ZFHX4: variants seen among roughly 807,000 people sequenced by gnomAD.
ZFHX4 encodes the protein zinc finger homeobox protein 4.
ZFHX4 carries 56 observed loss-of-function variants against 267.6 expected under a neutral mutation model. The observed-to-expected ratio is 0.21, with a 90% CI of 0.17 to 0.26. The LOEUF (loss-of-function observed/expected upper bound fraction) is 0.26. Ranked by LOEUF, ZFHX4 falls within the 10% of genes least tolerant of loss-of-function variation. ZFHX4 has a pLI of 1.00. For missense variants in ZFHX4, 4,332 were observed against 4,420.0 expected (o/e 0.98, Z 0.56); for synonymous variants, 1,778 against 1,665.6 (o/e 1.07, Z -1.64).
chr8:76,812,213 T>A (rs1368431773), intron 4 of ZFHX4, among the ~76,000 whole-genome samples: 1 of 152,224 alleles, frequency 6.6e-6, no homozygotes, highest in Non-Finnish European at 1.5e-5. Flanking sequence ...TTGATTTACT[T>A]CATGAGTTAA....
intron 3 of ZFHX4, among the ~76,000 whole-genome samples, chr8:76,735,198 C>T (rs1809127340): frequency 6.6e-6 from 1 of 152,042 alleles, no homozygotes; most frequent in Admixed American, 6.6e-5. Context: ...TGTACATAAG[C>T]ACATTGATAT....
chr8:76,727,681 A>C (rs1048674327), intron 3 of ZFHX4, among the ~76,000 whole-genome samples: 25 of 152,316 alleles, frequency 1.6e-4, no homozygotes, highest in African/African-American at 5.5e-4. Context: ...TTTTTTAAAA[A>C]TCTTGCTTCT....
intron 3 of ZFHX4, among the ~76,000 whole-genome samples, chr8:76,724,227 G>A (rs946105009): frequency 4.6e-5 from 7 of 152,150 alleles, no homozygotes; most frequent in African/African-American, 1.7e-4. Flanking sequence ...AGAAAACTTT[G>A]AAGGTTGCTT....
intron 5 of ZFHX4, among the ~76,000 whole-genome samples, chr8:76,839,412 A>C (rs577693253): frequency 6.6e-6 from 1 of 152,258 alleles, no homozygotes; most frequent in East Asian, 1.9e-4. Context: ...AAACATGTAA[A>C]AATGAATATG....
At chr8:76,709,864 T>A (rs1808379792) in intron 3 of ZFHX4, among the ~76,000 whole-genome samples, 1 of 151,544 alleles carries the variant, frequency 6.6e-6, no homozygotes, top group Admixed American at 6.6e-5. Flanking sequence ...AAGCAGGGAT[T>A]GACCACCTCA....
At chr8:76,708,964 A>G (rs1808351520) in intron 3 of ZFHX4, among the ~76,000 whole-genome samples, 2 of 152,330 alleles carry the variant, frequency 1.3e-5, no homozygotes, top group Non-Finnish European at 2.9e-5. Flanking sequence ...ACCATTAGTC[A>G]TTGTAACAAG....
chr8:76,736,029 A>C (rs1809149697), intron 3 of ZFHX4, among the ~76,000 whole-genome samples: 1 of 152,078 alleles, frequency 6.6e-6, no homozygotes, highest in African/African-American at 2.4e-5. Flanking sequence ...ATTTAGTCTT[A>C]AGAAGATGGA....
At chr8:76,799,877 T>C (rs1479982669) in intron 4 of ZFHX4, among the ~76,000 whole-genome samples, 1 of 152,188 alleles carries the variant, frequency 6.6e-6, no homozygotes, top group Admixed American at 6.5e-5. Context: ...ATACCTCCCG[T>C]GTTCATTCAG....
intron 1 of ZFHX4, among the ~76,000 whole-genome samples, chr8:76,698,418 C>A (rs1402428127): frequency 6.6e-6 from 1 of 152,120 alleles, no homozygotes; most frequent in Non-Finnish European, 1.5e-5. Flanking sequence ...CTATTTCCCA[C>A]AACTATTCAA....
Position 76,705,406 on chromosome 8 carries a change from G to A in ZFHX4, c.1318G>A (p.Asp440Asn). 1.2e-6 allele frequency: 2 copies of A among 1,613,832 alleles called. No homozygotes were observed. The highest frequency in any genetic ancestry group is 1.7e-6 in the Non-Finnish European group (2 of 1,179,882). ...SESSKMSESK[D>N]QENNCERPKE... The stretch of plus-strand genomic sequence containing the variant: ...GTCTAGCAAGATGTCAGAGAGCAAA[G>A]ACCAAGAGAACAACTGTGAAAGGCC... Residue 440 changes from aspartate (D) to asparagine (N), a missense_variant, in exon 2 of 11, where the codon GAC becomes AAC. This residue lies in a region of ZFHX4 where 1,195 missense variants were observed against 1,173.6 expected (regional missense o/e 1.02). Transcript: ENST00000651372.
chr8:76,861,413 G>C (rs1323027545), intron 10 of ZFHX4, among the ~76,000 whole-genome samples: 1 of 152,142 alleles, frequency 6.6e-6, no homozygotes, highest in African/African-American at 2.4e-5. Context: ...TTTAGCAGCA[G>C]TTCCCCATTG....
chr8:76,836,373 C>T (rs1812093285), intron 5 of ZFHX4, among the ~76,000 whole-genome samples: 1 of 152,026 alleles, frequency 6.6e-6, no homozygotes, highest in South Asian at 2.1e-4. Context: ...CCAGCAAGCC[C>T]CTCAGGTGGT....
chr8:76,720,504 C>T lies in ZFHX4; in HGVS notation c.3093+12456C>T, dbSNP rs544104703. On this transcript the variant is annotated intron_variant, in intron 3 of 10. Transcript: ENST00000651372. ...ATACAAGGTTTTGTGTGGACATATG[C>T]TCTCTTTTCTCTTAGGGTATATACA... Among the ~76,000 whole-genome samples the T allele has an allele frequency of 4.3e-4, 66 of 152,194 alleles. 1 individual carries two copies. In the South Asian group the frequency reaches 0.012, roughly 27 times the overall value.
intron 3 of ZFHX4, among the ~76,000 whole-genome samples, chr8:76,760,334 C>T (rs1809876159): frequency 1.3e-5 from 2 of 152,132 alleles, no homozygotes; most frequent in Non-Finnish European, 2.9e-5. Flanking sequence ...TTGTTTTATT[C>T]ATTCCTTTAT....
intron 4 of ZFHX4, among the ~76,000 whole-genome samples, chr8:76,785,010 A>G (rs574502297): frequency 6.6e-6 from 1 of 152,226 alleles, no homozygotes; most frequent in South Asian, 2.1e-4. Flanking sequence ...AGTTGCAAAT[A>G]TTTAAATTTG....
chr8:76,708,168 G>A, intron 3 of ZFHX4, 120 bp downstream of exon 3: 6 of 1,224,894 alleles, frequency 4.9e-6, no homozygotes, highest in Non-Finnish European at 7.0e-6. Flanking sequence ...CAAAGGGCAG[G>A]GGGCACAGTT....
At position 76,854,502 on chromosome 8, in the gene ZFHX4, G is replaced by A. The variant is rs373464374; in HGVS notation, c.7581G>A (p.Pro2527=). The A allele has an allele frequency of 2.6e-5, 42 of 1,613,430 alleles. No individual in the cohort carries two copies. In the Middle Eastern group the frequency reaches 6.6e-4, roughly 25 times the overall value. The change falls in exon 10 of 11, where the codon CCG becomes CCA. Residue 2527 remains proline (P), a synonymous_variant. Coordinates refer to ENST00000651372, the MANE Select transcript of ZFHX4 (RefSeq NM_024721.5). ...CTCAAAACCAATTCCTTCACTCTCC[G>A]TTCTTGGAAAGGCCCATGGACATGC... ...LAAQNQFLHS[P]FLERPMDMPY... is the part of the protein sequence containing the mutation.
At chr8:76,783,497 A>G (rs890068752) in intron 4 of ZFHX4, among the ~76,000 whole-genome samples, 2 of 152,000 alleles carry the variant, frequency 1.3e-5, no homozygotes, top group East Asian at 1.9e-4. Flanking sequence ...AAAAAAGTAC[A>G]TATTGATTTG....
chr8:76,818,695 T>G (rs1022449726), intron 4 of ZFHX4, among the ~76,000 whole-genome samples: 8 of 152,174 alleles, frequency 5.3e-5, no homozygotes, highest in Non-Finnish European at 1.2e-4. Context: ...GGAGATCACT[T>G]GAGCCCAGGA....
Sources: allele counts gnomAD v4.1 joint callset (sites outside exome capture counted in the v4.1 genomes callset), GRCh38; gene constraint gnomAD v4.1.1; regional missense constraint gnomAD v4.1.1; transcripts MANE v1.5; gene names NCBI Gene and HGNC (gene_info 2026-07-23, HGNC 2026-07-21).